The following PHACTR4 variants were observed in gnomAD, a reference collection of about 807,000 sequenced individuals.
PHACTR4 encodes phosphatase and actin regulator 4.
In PHACTR4, 51 loss-of-function variants were observed where a neutral mutation model predicts 72.7. That is an observed-to-expected ratio of 0.70 (90% CI 0.56 to 0.89). PHACTR4 has a LOEUF of 0.89. PHACTR4 is among the 40% of genes least tolerant of loss of function. The pLI, the probability that PHACTR4 is intolerant of heterozygous loss-of-function variation, is 0.00. For missense variants in PHACTR4, 731 were observed against 861.8 expected, an observed-to-expected ratio of 0.85 and a Z score of 1.90; for synonymous variants, 255 against 302.5, an observed-to-expected ratio of 0.84 and a Z score of 1.63.
intron 6 of PHACTR4, among the ~76,000 whole-genome samples, chr1:28,472,153 C>T (rs1659601001): frequency 6.7e-6 from 1 of 150,074 alleles, no homozygotes; most frequent in South Asian, 2.1e-4. Context: ...GCAGAGCTTG[C>T]AGTGAGCCGA....
chr1:28,375,464 G>A (rs1651583425), intron 1 of PHACTR4, among the ~76,000 whole-genome samples: 1 of 151,752 alleles, frequency 6.6e-6, no homozygotes, highest in South Asian at 2.1e-4. Flanking sequence ...ATCACTTTAT[G>A]TTTATCCCAG....
intron 5 of PHACTR4, among the ~76,000 whole-genome samples, 165 bp from the exon 6 acceptor site, chr1:28,466,217 C>T (rs1224311598): frequency 6.6e-6 from 1 of 152,138 alleles, no homozygotes; most frequent in Non-Finnish European, 1.5e-5. Flanking sequence ...TTCTTACTGA[C>T]ATTTCTTAAG....
At chr1:28,372,066 G>A (rs925502858) in intron 1 of PHACTR4, among the ~76,000 whole-genome samples, 1 of 146,858 alleles carries the variant, frequency 6.8e-6, no homozygotes, top group Admixed American at 6.8e-5. Flanking sequence ...TTTTTTTTTA[G>A]TAGAGATGGT....
At chr1:28,452,852 C>T (rs1398971769) in intron 2 of PHACTR4, among the ~76,000 whole-genome samples, 1 of 151,876 alleles carries the variant, frequency 6.6e-6, no homozygotes, top group African/African-American at 2.4e-5. Context: ...GGCACAGTGG[C>T]TCACGCCTGT....
At chr1:28,381,988 G>A (rs889445591) in intron 1 of PHACTR4, among the ~76,000 whole-genome samples, 7 of 151,736 alleles carry the variant, frequency 4.6e-5, no homozygotes, top group Non-Finnish European at 8.8e-5. Flanking sequence ...GGCTGGTCTC[G>A]AACTCCTGGC....
At chr1:28,386,820 G>A (rs937895291) in intron 1 of PHACTR4, among the ~76,000 whole-genome samples, 8 of 152,146 alleles carry the variant, frequency 5.3e-5, no homozygotes, top group Non-Finnish European at 8.8e-5. Context: ...TAGGACCAAC[G>A]ATATTTAAAA....
intron 1 of PHACTR4, among the ~76,000 whole-genome samples, chr1:28,377,618 G>A (rs1651788558): frequency 1.3e-5 from 2 of 151,930 alleles, no homozygotes; most frequent in South Asian, 2.1e-4. Flanking sequence ...AGGCCACAAG[G>A]TGGAGTTCAA....
chr1:28,443,595 A>C (rs1657210369), intron 2 of PHACTR4, among the ~76,000 whole-genome samples: 1 of 151,606 alleles, frequency 6.6e-6, no homozygotes, highest in Non-Finnish European at 1.5e-5. Context: ...CTACAGGCAC[A>C]TGCCACCACA....
chr1:28,378,840 G>GAT (rs1651912389), intron 1 of PHACTR4, among the ~76,000 whole-genome samples: 1 of 151,940 alleles, frequency 6.6e-6, no homozygotes, highest in African/African-American at 2.4e-5. Context: ...GGTGAGAGAA[G>GAT]ATATATTTGG....
chr1:28,477,976 C>G (rs1400485324), intron 8 of PHACTR4, among the ~76,000 whole-genome samples: 1 of 152,158 alleles, frequency 6.6e-6, no homozygotes, highest in Non-Finnish European at 1.5e-5. Context: ...GCATGAGCCA[C>G]CACGCCCGGC....
chr1:28,430,219 T>C (rs1019472802), intron 2 of PHACTR4, among the ~76,000 whole-genome samples: 21 of 151,984 alleles, frequency 1.4e-4, no homozygotes, highest in Admixed American at 2.0e-4. Context: ...AGAGATAGGG[T>C]TTCACCATGT....
chr1:28,426,220 CA>C (rs34637242), intron 2 of PHACTR4, among the ~76,000 whole-genome samples: 30 of 147,112 alleles, frequency 2.0e-4, no homozygotes, highest in South Asian at 2.2e-4. Flanking sequence ...GAAACCTTCT[CA>C]AAAAAAAAAA....
At chr1:28,388,766 C>G (rs1208433396) in intron 1 of PHACTR4, among the ~76,000 whole-genome samples, 1 of 152,098 alleles carries the variant, frequency 6.6e-6, no homozygotes, top group Non-Finnish European at 1.5e-5. Flanking sequence ...AGGAGAATCG[C>G]TTGAACCCAG....
chr1:28,469,770 A>G (rs1316494919), intron 6 of PHACTR4, among the ~76,000 whole-genome samples: 1 of 152,120 alleles, frequency 6.6e-6, no homozygotes, highest in Non-Finnish European at 1.5e-5. Context: ...AAATTTATTT[A>G]TGGGGCCAGG....
chr1:28,443,711 T>C (rs1269980441), intron 2 of PHACTR4, among the ~76,000 whole-genome samples: 1 of 152,166 alleles, frequency 6.6e-6, no homozygotes. Context: ...TGCCTCAGCC[T>C]TCCAAAGTGC....
At chr1:28,408,404 A>G (rs1449654210) in intron 2 of PHACTR4, among the ~76,000 whole-genome samples, 2 of 152,102 alleles carry the variant, frequency 1.3e-5, no homozygotes, top group Non-Finnish European at 2.9e-5. Flanking sequence ...CTAAAAATAC[A>G]AAAATTAGCT....
At chr1:28,469,253 G>GA (rs1299886734) in intron 6 of PHACTR4, among the ~76,000 whole-genome samples, 2 of 151,702 alleles carry the variant, frequency 1.3e-5, no homozygotes, top group South Asian at 2.1e-4. Flanking sequence ...AAAAACACTA[G>GA]AAAAAAAACC....
chr1:28,402,753 C>A (rs1165694134), intron 1 of PHACTR4, among the ~76,000 whole-genome samples: 1 of 152,062 alleles, frequency 6.6e-6, no homozygotes, highest in African/African-American at 2.4e-5. Flanking sequence ...AAGTAGGCTT[C>A]TCCTCTGCAA....
chr1:28,469,873 T>C (rs372350922), intron 6 of PHACTR4, among the ~76,000 whole-genome samples: 2 of 151,634 alleles, frequency 1.3e-5, no homozygotes, highest in African/African-American at 4.8e-5. Flanking sequence ...CTGGGCAACA[T>C]GGTGAAACCC....
Sources: allele counts gnomAD v4.1 joint callset (sites outside exome capture counted in the v4.1 genomes callset), GRCh38; gene constraint gnomAD v4.1.1; transcripts MANE v1.5; gene names NCBI Gene and HGNC (gene_info 2026-07-23, HGNC 2026-07-21).